The following RASEF variants were observed in gnomAD, a reference collection of about 807,000 sequenced individuals.
RASEF encodes RAS and EF-hand domain containing.
In RASEF, 68 loss-of-function variants were observed where a neutral mutation model predicts 90.1. The observed-to-expected ratio is 0.75, with a 90% CI of 0.62 to 0.92. RASEF has a LOEUF of 0.92. Ranked by LOEUF, RASEF falls within the 40% of genes least tolerant of loss-of-function variation. RASEF has a pLI of 0.00. For missense variants in RASEF, 949 were observed against 937.2 expected (o/e 1.01, Z -0.16); for synonymous variants, 331 against 345.2 (o/e 0.96, Z 0.46).
intron 3 of RASEF, among the ~76,000 whole-genome samples, chr9:83,016,661 C>T (rs1829347997): frequency 6.6e-6 from 1 of 151,876 alleles, no homozygotes; most frequent in Non-Finnish European, 1.5e-5. Context: ...AACTGATGTT[C>T]TCAGGCATTC....
At chr9:83,082,848 G>A in the RASEF span, among the ~76,000 whole-genome samples, 5 of 152,132 alleles carry the variant, frequency 3.3e-5, no homozygotes, top group African/African-American at 1.2e-4. Context: ...GTAACGGATG[G>A]AACTATTATT....
chr9:83,152,027 CCAGA>C, the RASEF span, among the ~76,000 whole-genome samples: 2 of 152,124 alleles, frequency 1.3e-5, no homozygotes, highest in Non-Finnish European at 2.9e-5. Flanking sequence ...CAGTATCTCC[CCAGA>C]CAGTTATCTT....
At chr9:83,136,636 T>C in the RASEF span, among the ~76,000 whole-genome samples, 3 of 152,150 alleles carry the variant, frequency 2.0e-5, no homozygotes, top group African/African-American at 7.2e-5. Context: ...TCATTTGGCA[T>C]ATTTGAGCTG....
the RASEF span, among the ~76,000 whole-genome samples, chr9:83,106,398 G>A: frequency 6.6e-6 from 1 of 152,086 alleles, no homozygotes; most frequent in Admixed American, 6.5e-5. Flanking sequence ...CTACCCCTAT[G>A]TCATGTGTGA....
chr9:83,032,533 T>C (rs1002459230), intron 1 of RASEF, among the ~76,000 whole-genome samples: 5 of 152,212 alleles, frequency 3.3e-5, no homozygotes, highest in African/African-American at 1.2e-4. Flanking sequence ...TATACCTAAT[T>C]TGTGTCTGAA....
At chr9:83,205,750 C>T in the RASEF span, among the ~76,000 whole-genome samples, 4 of 152,168 alleles carry the variant, frequency 2.6e-5, no homozygotes, top group Non-Finnish European at 5.9e-5. Flanking sequence ...GGAATGCTAA[C>T]TAATTTCTCA....
the RASEF span, among the ~76,000 whole-genome samples, chr9:83,079,370 T>A: frequency 6.6e-6 from 1 of 152,200 alleles, no homozygotes; most frequent in African/African-American, 2.4e-5. Flanking sequence ...GGGGCCTTAT[T>A]TCTGGGCTCT....
intron 3 of RASEF, among the ~76,000 whole-genome samples, chr9:83,021,588 T>A (rs1829445852): frequency 6.6e-6 from 1 of 152,206 alleles, no homozygotes; most frequent in South Asian, 2.1e-4. Flanking sequence ...ATCCACAAGT[T>A]CTGCATCTGC....
the RASEF span, among the ~76,000 whole-genome samples, chr9:83,112,451 G>A: frequency 2.7e-4 from 41 of 152,328 alleles, no homozygotes; most frequent in African/African-American, 8.7e-4. Context: ...TTGGGAGGCC[G>A]AGGCGGGTGA....
the RASEF span, among the ~76,000 whole-genome samples, chr9:83,106,787 C>A: frequency 4.6e-5 from 7 of 151,918 alleles, no homozygotes; most frequent in Admixed American, 4.6e-4. Flanking sequence ...CTTTTCAGGG[C>A]CTCCAAATAA....
At chr9:83,147,028 G>GTATATATATA in the RASEF span, among the ~76,000 whole-genome samples, 24 of 31,318 alleles carry the variant, frequency 7.7e-4, no homozygotes, top group Admixed American at 1.9e-3. Flanking sequence ...GTGTGTGTGT[G>GTATATATATA]TATATATATA....
At chr9:83,137,127 C>T in the RASEF span, among the ~76,000 whole-genome samples, 1 of 151,932 alleles carries the variant, frequency 6.6e-6, no homozygotes, top group South Asian at 2.1e-4. Context: ...AAATGTTATC[C>T]AATGTCTGTA....
intron 1 of RASEF, among the ~76,000 whole-genome samples, chr9:83,045,052 C>A (rs1011042392): frequency 1.3e-5 from 2 of 152,236 alleles, no homozygotes; most frequent in Non-Finnish European, 2.9e-5. Flanking sequence ...CCAGCCTCCA[C>A]AGTCACACGA....
the RASEF span, among the ~76,000 whole-genome samples, chr9:83,143,794 T>C: frequency 2.6e-5 from 4 of 152,196 alleles, no homozygotes; most frequent in African/African-American, 9.6e-5. Flanking sequence ...GGCCTAGCAA[T>C]CCCATTACTG....
the RASEF span, among the ~76,000 whole-genome samples, chr9:83,081,046 A>G: frequency 6.6e-6 from 1 of 152,124 alleles, no homozygotes; most frequent in Non-Finnish European, 1.5e-5. Context: ...CCAAGCCCCT[A>G]AGACCTTTCC....
the RASEF span, among the ~76,000 whole-genome samples, chr9:83,098,637 C>G: frequency 6.6e-6 from 1 of 152,106 alleles, no homozygotes; most frequent in South Asian, 2.1e-4. Context: ...AAAAAAGAAA[C>G]AGGTTTAATT....
chr9:83,062,781 C>T lies in RASEF; in HGVS notation c.87G>A (p.Glu29=). Residue 29 remains glutamate, a synonymous_variant, in exon 1 of 17, where the codon GAG becomes GAA. Transcript: ENST00000376447. ...ACDANRSGRL[E]REEFRALCTE... ...TGCACAGTGCCCGGAACTCCTCGCG[C>T]TCCAGGCGCCCCGAGCGGTTCGCGT... is the stretch of plus-strand genomic sequence containing the variant. The T allele has an allele frequency of 6.4e-7, 1 of 1,557,564 alleles. No homozygotes were observed. The highest frequency in any genetic ancestry group is 8.6e-7 in the Non-Finnish European group (1 of 1,161,446).
chr9:83,034,938 T>C (rs1829713250), intron 1 of RASEF, among the ~76,000 whole-genome samples: 1 of 152,148 alleles, frequency 6.6e-6, no homozygotes, highest in South Asian at 2.1e-4. Context: ...ACTGTTTCCA[T>C]CCATTATTAT....
the RASEF span, among the ~76,000 whole-genome samples, chr9:83,196,173 T>C: frequency 0.19 from 29,628 of 152,018 alleles, 3,015 homozygotes; most frequent in East Asian, 0.27. Flanking sequence ...ATTGAACATA[T>C]TCAATTTGAA....
Sources: gnomAD v4.1 joint callset for allele counts (sites outside exome capture counted in the v4.1 genomes callset) on GRCh38, gnomAD v4.1.1 for gene constraint, MANE v1.5 for transcripts, NCBI Gene and HGNC (gene_info 2026-07-23, HGNC 2026-07-21) for gene names.